The following ITGA9 variants were observed in gnomAD, a reference collection of about 807,000 sequenced individuals.
The protein encoded by ITGA9 is integrin alpha-9.
A neutral mutation model predicts 127.8 loss-of-function variants in ITGA9; 56 were observed. The ratio of observed to expected loss-of-function variants is 0.44; its 90% confidence interval spans 0.35 to 0.55. The LOEUF (loss-of-function observed/expected upper bound fraction) is 0.55, where lower values mean the gene tolerates loss of function less well. ITGA9 is among the 20% of genes least tolerant of loss of function. The probability of loss-of-function intolerance (pLI) is 0.00; values close to 1 mark genes in which losing one functional copy is unlikely to be tolerated. For synonymous variants in ITGA9, 508 were observed against 514.5 expected (o/e 0.99, Z 0.17); for missense variants, 1,196 against 1,347.1 (o/e 0.89, Z 1.76).
chr3:37,635,361 G>A (rs1700267367), intron 16 of ITGA9, among the ~76,000 whole-genome samples: 1 of 152,104 alleles, frequency 6.6e-6, no homozygotes, highest in Non-Finnish European at 1.5e-5. Flanking sequence ...TTATATAAAG[G>A]TAAAAGTAGA....
In ITGA9 at chr3:37,708,882, C is replaced by A. The variant is rs988330455; in HGVS notation, c.2068-23830C>A. Among the ~76,000 whole-genome samples the A allele has an allele frequency of 1.3e-4, 20 of 152,166 alleles. No homozygotes were observed. The East Asian group carries it at 3.9e-3, about 29-fold the overall frequency. ...ACGTCAAGCCACTTCAGCATGATGGCGTTTAAGTTTTAGCTTGTCTACAAA... is the reference window on the plus strand; with the variant it reads ...ACGTCAAGCCACTTCAGCATGATGGAGTTTAAGTTTTAGCTTGTCTACAAA... On this transcript the variant is annotated intron_variant, in intron 18 of 27. Transcript: ENST00000264741.
At chr3:37,574,095 G>C (rs1005646442) in intron 15 of ITGA9, among the ~76,000 whole-genome samples, 17 of 152,148 alleles carry the variant, frequency 1.1e-4, no homozygotes, top group Admixed American at 7.9e-4. Context: ...GTCCTGTCTT[G>C]CTTATGTTTA....
chr3:37,635,851 A>G (rs1425602352), intron 16 of ITGA9, among the ~76,000 whole-genome samples: 12 of 143,962 alleles, frequency 8.3e-5, no homozygotes, highest in Admixed American at 1.5e-4. Flanking sequence ...TCATTGTTCA[A>G]TTCCCACCTA....
At chr3:37,569,632 GAAAATCT>G (rs1699581557) in intron 15 of ITGA9, among the ~76,000 whole-genome samples, 1 of 152,190 alleles carries the variant, frequency 6.6e-6, no homozygotes, top group African/African-American at 2.4e-5. Context: ...TCCTTAATCT[GAAAATCT>G]GAAATCTGAA....
At chr3:37,667,726 G>A (rs1395590446) in intron 17 of ITGA9, among the ~76,000 whole-genome samples, 1 of 152,194 alleles carries the variant, frequency 6.6e-6, no homozygotes, top group Admixed American at 6.5e-5. Flanking sequence ...GTGTGTACTT[G>A]GAGCCAGAGC....
intron 16 of ITGA9, among the ~76,000 whole-genome samples, chr3:37,634,503 G>A (rs1700258762): frequency 1.3e-5 from 2 of 152,002 alleles, no homozygotes; most frequent in South Asian, 2.1e-4. Context: ...AAAAACAGAC[G>A]AAGATCATTA....
chr3:37,715,525 A>G (rs1342977699), intron 18 of ITGA9, among the ~76,000 whole-genome samples: 1 of 152,210 alleles, frequency 6.6e-6, no homozygotes, highest in Non-Finnish European at 1.5e-5. Context: ...TGGTTTGGAC[A>G]GTGTGAGAGG....
rs187422189 is a variant in ITGA9 at position 37,663,145 on chromosome 3, C to T, written c.1916+9355C>T. Among the ~76,000 whole-genome samples, 114 of 152,248 alleles carry T rather than the reference C, an allele frequency of 7.5e-4. 2 individuals carry two copies. In the South Asian group the frequency reaches 0.018, roughly 24 times the overall value. ...AAAACGTCCAGGAACAGGGATGAAACTTGTTTAAAAGTTTCTATTAAGCAG... is the reference window on the plus strand; with the variant it reads ...AAAACGTCCAGGAACAGGGATGAAATTTGTTTAAAAGTTTCTATTAAGCAG... On this transcript the variant is annotated intron_variant, in intron 17 of 27. Transcript: ENST00000264741.
chr3:37,761,229 T>C (rs981144095), intron 23 of ITGA9, among the ~76,000 whole-genome samples: 1 of 152,250 alleles, frequency 6.6e-6, no homozygotes, highest in Non-Finnish European at 1.5e-5. Flanking sequence ...GATCCATTGT[T>C]GGTTAAGATG....
rs72860980 is a variant in ITGA9 at position 37,771,321 on chromosome 3, T to A, written c.2542-6071T>A. Among the ~76,000 whole-genome samples the A allele has an allele frequency of 7.2e-3, 1,104 of 152,320 alleles. 20 individuals carry two copies. Among genetic ancestry groups the A allele is most frequent in the African/African-American group, 0.025 (1,035 of 41,566 alleles). On this transcript the variant is annotated intron_variant, in intron 23 of 27. Coordinates refer to ENST00000264741, the MANE Select transcript of ITGA9 (RefSeq NM_002207.3). ...AAAGAGTGCGGTTAAAACCAAGTTG[T>A]GGGAGGATGGATAGTCAGTAATTGT...
intron 18 of ITGA9, among the ~76,000 whole-genome samples, chr3:37,724,824 A>G (rs2010452): frequency 0.25 from 38,751 of 152,058 alleles, 5,788 homozygotes; most frequent in South Asian, 0.47. Flanking sequence ...TGTCATTTGT[A>G]TTCTCCCCAT....
At chr3:37,578,068 T>C (rs1282900793) in intron 15 of ITGA9, among the ~76,000 whole-genome samples, 2 of 152,224 alleles carry the variant, frequency 1.3e-5, no homozygotes, top group South Asian at 2.1e-4. Flanking sequence ...TGATACTTAA[T>C]AAAGTTTGAT....
intron 17 of ITGA9, among the ~76,000 whole-genome samples, chr3:37,675,345 T>A (rs1700671206): frequency 6.6e-6 from 1 of 152,238 alleles, no homozygotes; most frequent in Admixed American, 6.5e-5. Context: ...GGGAGCTGAC[T>A]GGCTTGATGT....
chr3:37,460,890 A>G (rs1450319395), intron 1 of ITGA9, among the ~76,000 whole-genome samples: 1 of 152,088 alleles, frequency 6.6e-6, no homozygotes, highest in Non-Finnish European at 1.5e-5. Context: ...CACCCGGACT[A>G]TGTGCCCAAA....
At chr3:37,704,517 C>G (rs1341586906) in intron 18 of ITGA9, among the ~76,000 whole-genome samples, 1 of 152,228 alleles carries the variant, frequency 6.6e-6, no homozygotes, top group African/African-American at 2.4e-5. Context: ...CCGTTGAGCA[C>G]TGAACGACTG....
chr3:37,504,936 C>T (rs1698825515), intron 6 of ITGA9, among the ~76,000 whole-genome samples: 1 of 152,176 alleles, frequency 6.6e-6, no homozygotes, highest in South Asian at 2.1e-4. Context: ...TTATGCTGGC[C>T]AGAGGAGAGC....
intron 18 of ITGA9, among the ~76,000 whole-genome samples, chr3:37,724,406 A>G (rs1301699838): frequency 6.6e-6 from 1 of 152,206 alleles, no homozygotes; most frequent in Non-Finnish European, 1.5e-5. Context: ...CAATTTATTT[A>G]TAAGTTCCTT....
At chr3:37,583,067 C>T (rs1699724998) in intron 15 of ITGA9, among the ~76,000 whole-genome samples, 1 of 152,320 alleles carries the variant, frequency 6.6e-6, no homozygotes, top group African/African-American at 2.4e-5. Flanking sequence ...TCCTCACCGT[C>T]CCACTTTGCT....
intron 15 of ITGA9, among the ~76,000 whole-genome samples, chr3:37,583,590 C>G (rs150949961): frequency 1.3e-5 from 2 of 152,282 alleles, no homozygotes; most frequent in African/African-American, 4.8e-5. Context: ...ACTCATGCCC[C>G]CAATCTTATT....
Sources: allele counts gnomAD v4.1 joint callset (sites outside exome capture counted in the v4.1 genomes callset), GRCh38; gene constraint gnomAD v4.1.1; transcripts MANE v1.5; gene names NCBI Gene and HGNC (gene_info 2026-07-23, HGNC 2026-07-21).